The following EYA1 variants were observed in gnomAD, a reference collection of about 807,000 sequenced individuals.
EYA1 encodes the protein EYA transcriptional coactivator and phosphatase 1, also known as protein phosphatase EYA1.
EYA1 carries 16 observed loss-of-function variants against 82.0 expected under a neutral mutation model. The ratio of observed to expected loss-of-function variants is 0.20; its 90% CI spans 0.13 to 0.30. EYA1 has a LOEUF of 0.30. EYA1 is among the 10% of genes least tolerant of loss of function. The pLI, the probability that EYA1 is intolerant of heterozygous loss-of-function variation, is 1.00. For missense variants in EYA1, 633 were observed against 730.7 expected, an observed-to-expected ratio of 0.87 and a Z score of 1.54; for synonymous variants, 261 against 264.4, an observed-to-expected ratio of 0.99 and a Z score of 0.12.
chr8:71,483,564 A>AC (rs1810336569), intron 2 of EYA1, among the ~76,000 whole-genome samples: 1 of 151,780 alleles, frequency 6.6e-6, no homozygotes, highest in African/African-American at 2.4e-5. Context: ...ATATACAAAA[A>AC]AAAAACACCA....
At chr8:71,458,708 C>A (rs1297782372) in intron 2 of EYA1, among the ~76,000 whole-genome samples, 1 of 152,032 alleles carries the variant, frequency 6.6e-6, no homozygotes, top group Non-Finnish European at 1.5e-5. Context: ...GAAAGTGGAG[C>A]CACTCCTGAA....
intron 2 of EYA1, among the ~76,000 whole-genome samples, chr8:71,386,857 G>C (rs996884563): frequency 6.6e-6 from 1 of 152,116 alleles, no homozygotes; most frequent in Admixed American, 6.6e-5. Context: ...CTGATGTAAG[G>C]ATTCAAAAAT....
chr8:71,330,653 T>C (rs139702665), intron 4 of EYA1, among the ~76,000 whole-genome samples: 3 of 152,368 alleles, frequency 2.0e-5, no homozygotes, highest in East Asian at 3.9e-4. Context: ...GTTGGTCATG[T>C]GGTCCAGCAG....
At position 71,310,162 on chromosome 8, in the gene EYA1, T is replaced by C. The variant is rs116428833; in HGVS notation, c.556+7390A>G. 6.9e-3 allele frequency among the ~76,000 whole-genome samples: 1,053 copies of C among 152,320 alleles called. 14 individuals carry two copies. Among genetic ancestry groups the C allele is most frequent in the African/African-American group, 0.024 (1,006 of 41,578 alleles). On this transcript the variant is annotated intron_variant, in intron 7 of 17. Transcript: ENST00000340726. ...CTATACCACCATCGTGATGATTCTG[T>C]GATGTCTCCAACCAGCTCTATCTAC...
intron 9 of EYA1, among the ~76,000 whole-genome samples, chr8:71,288,093 G>A (rs937854478): frequency 6.6e-6 from 1 of 152,292 alleles, no homozygotes; most frequent in Non-Finnish European, 1.5e-5. Flanking sequence ...TGCTGGTCAA[G>A]AGACATTCAT....
chr8:71,243,352 A>G (rs1812715465), intron 12 of EYA1, among the ~76,000 whole-genome samples: 2 of 152,326 alleles, frequency 1.3e-5, no homozygotes, highest in Admixed American at 6.5e-5. Flanking sequence ...TAAGTATGAT[A>G]ATTATGTGTT....
At chr8:71,376,197 A>C (rs564155758) in intron 2 of EYA1, among the ~76,000 whole-genome samples, 1 of 152,256 alleles carries the variant, frequency 6.6e-6, no homozygotes, top group South Asian at 2.1e-4. Flanking sequence ...ACTTGTAAAA[A>C]CTGGGGTGAG....
chr8:71,440,445 T>C (rs1404451030), intron 2 of EYA1, among the ~76,000 whole-genome samples: 1 of 152,130 alleles, frequency 6.6e-6, no homozygotes, highest in Non-Finnish European at 1.5e-5. Flanking sequence ...GGAGGAAGTC[T>C]TTATATGACT....
intron 2 of EYA1, among the ~76,000 whole-genome samples, chr8:71,466,082 T>C (rs1267526382): frequency 6.6e-6 from 1 of 152,172 alleles, no homozygotes; most frequent in Non-Finnish European, 1.5e-5. Context: ...TTTTGTTGTT[T>C]TATTAAAAGG....
intron 10 of EYA1, among the ~76,000 whole-genome samples, chr8:71,271,166 C>T (rs1034188493): frequency 1.3e-5 from 2 of 152,106 alleles, no homozygotes; most frequent in South Asian, 4.1e-4. Context: ...TTTGTGGATA[C>T]TAGGTGTATA....
chr8:71,399,036 A>G (rs1047356073), intron 2 of EYA1, among the ~76,000 whole-genome samples: 3 of 152,146 alleles, frequency 2.0e-5, no homozygotes, highest in Admixed American at 1.3e-4. Context: ...TTGCAGTTCA[A>G]TCTCAGACTG....
rs886063086 is a variant in EYA1 at position 71,198,795 on chromosome 8, G to A, written c.*545C>T. On this transcript the variant is annotated 3_prime_UTR_variant, in exon 18 of 18. Transcript: ENST00000340726. The stretch of plus-strand genomic sequence containing the variant: ...CTTCAATTATTTGATGTTTAAAAAA[G>A]TCTGGTGGGTGAATTATACCTCAAT... The A allele has an allele frequency of 8.1e-5, 13 of 160,434 alleles. No individual in the cohort carries two copies. The South Asian group carries it at 1.2e-3, about 15-fold the overall frequency. 9.9% of individuals were successfully genotyped at this position (160,434 alleles called of 1,614,324 possible). A position where few individuals can be genotyped will look rare whatever the true frequency, so the allele number is the denominator to read the frequency against.
chr8:71,395,163 G>T (rs1829517926), intron 2 of EYA1, among the ~76,000 whole-genome samples: 1 of 152,228 alleles, frequency 6.6e-6, no homozygotes, highest in Non-Finnish European at 1.5e-5. Context: ...CTTTGCCGAA[G>T]TTGCTTATCA....
At chr8:71,298,908 C>A in intron 9 of EYA1, 139 bp downstream of exon 9, 1 of 731,534 alleles carries the variant, frequency 1.4e-6, no homozygotes, top group Non-Finnish European at 2.5e-6. Flanking sequence ...ATGCCACAGT[C>A]ATGCTGCTTG....
intron 2 of EYA1, among the ~76,000 whole-genome samples, chr8:71,478,716 C>T (rs1288312201): frequency 6.6e-6 from 1 of 152,168 alleles, no homozygotes; most frequent in Non-Finnish European, 1.5e-5. Flanking sequence ...CCTTAGCATG[C>T]TCACAATGGG....
At chr8:71,492,566 G>A (rs1053897012) in intron 2 of EYA1, among the ~76,000 whole-genome samples, 5 of 151,298 alleles carry the variant, frequency 3.3e-5, no homozygotes, top group East Asian at 2.0e-4. Context: ...CCGGGTTCAC[G>A]CCATTCTCCT....
chr8:71,327,853 C>CTTTTTTTTTT (rs71555578), intron 4 of EYA1, among the ~76,000 whole-genome samples: 2 of 110,204 alleles, frequency 1.8e-5, no homozygotes, highest in East Asian at 2.9e-4. Context: ...TCTTTAAGTT[C>CTTTTTTTTTT]TTTTTTTTTT....
At position 71,403,268 on chromosome 8, in the gene EYA1, CAGA is replaced by C. The variant is rs371253006; in HGVS notation, c.34-46760_34-46758del. Among the ~76,000 whole-genome samples the C allele has an allele frequency of 1.4e-4, 21 of 152,204 alleles. No individual in the cohort carries two copies. In the East Asian group the frequency reaches 3.3e-3, roughly 24 times the overall value. On this transcript the variant is annotated intron_variant, in intron 2 of 18. Coordinates refer to the EYA1 transcript ENST00000643681. ...TCAAAGAATATGATCAGACAATTGG[CAGA>C]AGAAGAAATCCAAATGGCCAATAAA...
intron 12 of EYA1, among the ~76,000 whole-genome samples, chr8:71,236,677 A>G (rs1251471083): frequency 6.6e-6 from 1 of 152,120 alleles, no homozygotes; most frequent in Non-Finnish European, 1.5e-5. Context: ...TCTTTTACCT[A>G]TCCTAAGCTT....
Sources: allele counts gnomAD v4.1 joint callset (sites outside exome capture counted in the v4.1 genomes callset), GRCh38; gene constraint gnomAD v4.1.1; transcripts MANE v1.5; gene names NCBI Gene and HGNC (gene_info 2026-07-23, HGNC 2026-07-21).